Variants in TMEM260 observed in about 807,000 individuals in gnomAD.
TMEM260 encodes the protein protein O-mannosyl-transferase TMEM260.
A neutral mutation model predicts 88.9 loss-of-function variants in TMEM260; 82 were observed. That is an observed-to-expected ratio of 0.92 (90% CI 0.77 to 1.11). The LOEUF is 1.11. Among genes scored for constraint, TMEM260 ranks in the 50% least tolerant of loss-of-function variants. TMEM260 has a pLI of 0.00. For synonymous variants in TMEM260, 314 were observed against 309.3 expected, an observed-to-expected ratio of 1.02 and a Z score of -0.16; for missense variants, 902 against 853.4, an observed-to-expected ratio of 1.06 and a Z score of -0.71.
intron 15 of TMEM260, among the ~76,000 whole-genome samples, chr14:56,637,769 G>A (rs909376341): frequency 6.6e-6 from 1 of 152,180 alleles, no homozygotes; most frequent in Admixed American, 6.5e-5. Flanking sequence ...GGTTCCTTAT[G>A]TATTCACTTA....
chr14:56,659,449 G>A, the TMEM260 span, among the ~76,000 whole-genome samples: 3 of 152,140 alleles, frequency 2.0e-5, no homozygotes, highest in African/African-American at 7.2e-5. Flanking sequence ...CCTGCCACCA[G>A]CCTAGTCGTT....
At chr14:56,627,673 T>C (rs934212251) in intron 12 of TMEM260, among the ~76,000 whole-genome samples, 9 of 152,324 alleles carry the variant, frequency 5.9e-5, no homozygotes, top group Non-Finnish European at 1.2e-4. Context: ...CCCAAAGGGA[T>C]GGACCATCAT....
chr14:56,579,812 C>T lies in TMEM260; in HGVS notation c.-103C>T, dbSNP rs1337772514. The T allele has an allele frequency of 3.1e-5, 35 of 1,143,348 alleles. No individual in the cohort carries two copies. Among genetic ancestry groups the T allele is most frequent in the South Asian group, 4.5e-5 (1 of 22,292 alleles). The allele number at this position is 1,143,348 out of a possible 1,614,324, so 70.8% of individuals were successfully genotyped here. A position where few individuals can be genotyped will look rare whatever the true frequency, so the allele number is the denominator to read the frequency against. On this transcript the variant is annotated 5_prime_UTR_variant, in exon 1 of 16. Coordinates refer to ENST00000261556, the MANE Select transcript of TMEM260 (RefSeq NM_017799.4). ...CGCGGAGGCTCGACCCGGAAGCCGC[C>T]GTGGCCGCCGCACAAGCTGCGCTCG...
chr14:56,621,572 C>A lies in TMEM260; in HGVS notation c.1268C>A (p.Ala423Glu). Residue 423 changes from alanine to glutamate, a missense_variant, in exon 11 of 16, where the codon GCA (alanine) becomes GAA (glutamate). Transcript: ENST00000261556. ...ACCAACTATGTGATTGATAAGTTCG[C>A]AAAGAACCTTCTCACCTCTATGCCT... ...QRTNYVIDKF[A>E]KNLLTSMPHD... 1 of 1,609,680 alleles carries A rather than the reference C, an allele frequency of 6.2e-7. No homozygotes were observed. Among genetic ancestry groups the A allele is most frequent in the African/African-American group, 1.3e-5 (1 of 74,880 alleles).
In TMEM260 at chr14:56,633,027, A is replaced by C; in HGVS notation, c.1580A>C (p.Glu527Ala). ...ACATTTGTTTGCATAGGAATTCATG[A>C]AGGCGACCCAACCTGGAAAAAGAAC... is the stretch of plus-strand genomic sequence containing the variant. ...KETFVCIGIH[E>A]GDPTWKKNYS... The change falls in exon 13 of 16, where the codon GAA (glutamate) becomes GCA (alanine). Residue 527 changes from glutamate to alanine, a missense_variant. Glu to Ala is a moderately radical substitution (Grantham distance 107). Coordinates refer to ENST00000261556, the MANE Select transcript of TMEM260 (RefSeq NM_017799.4). 6.2e-7 allele frequency: 1 copy of C among 1,613,988 alleles called. No homozygotes were observed. The highest frequency in any genetic ancestry group is 1.7e-5 in the Admixed American group (1 of 60,006).
intron 14 of TMEM260, 109 bp from the exon 15 acceptor site, chr14:56,636,399 A>AAAGGATTTTG (rs1312289874): frequency 1.2e-6 from 1 of 814,572 alleles, no homozygotes; most frequent in Non-Finnish European, 2.0e-6. Flanking sequence ...ATAATACAAT[A>AAAGGATTTTG]AAGGATTTTG....
At chr14:56,635,196 A>C (rs1320382107) in intron 14 of TMEM260, among the ~76,000 whole-genome samples, 1 of 152,196 alleles carries the variant, frequency 6.6e-6, no homozygotes, top group Non-Finnish European at 1.5e-5. Flanking sequence ...TGGAAAGGCT[A>C]CTTGTCCAAG....
the TMEM260 span, among the ~76,000 whole-genome samples, chr14:56,658,833 C>T: frequency 7.2e-5 from 11 of 151,992 alleles, no homozygotes; most frequent in South Asian, 2.1e-4. Context: ...CAGGTTCAAG[C>T]GATTCTCCTG....
At chr14:56,622,204 G>T (rs896848002) in intron 11 of TMEM260, among the ~76,000 whole-genome samples, 12 of 151,958 alleles carry the variant, frequency 7.9e-5, no homozygotes, top group African/African-American at 2.7e-4. Context: ...TTAGCCGGGT[G>T]TGGTGGCACG....
chr14:56,621,436 A>G (rs537701524), intron 10 of TMEM260, 95 bp from the exon 11 acceptor site: 10 of 865,820 alleles, frequency 1.2e-5, no homozygotes, highest in African/African-American at 8.4e-5. Context: ...TGTTGATTGT[A>G]TGATGGGAAA....
chr14:56,658,137 C>A, the TMEM260 span, among the ~76,000 whole-genome samples: 1 of 152,184 alleles, frequency 6.6e-6, no homozygotes, highest in African/African-American at 2.4e-5. Flanking sequence ...TTATCCCACA[C>A]CCTTGCTTAG....
chr14:56,660,229 G>A, the TMEM260 span, among the ~76,000 whole-genome samples: 5 of 152,204 alleles, frequency 3.3e-5, no homozygotes, highest in Non-Finnish European at 7.3e-5. Context: ...AAGATATGTA[G>A]CAGCATGCTT....
chr14:56,593,194 T>C (rs530609843), intron 3 of TMEM260: 1 of 152,342 alleles, frequency 6.6e-6, no homozygotes, highest in Admixed American at 6.5e-5. Context: ...CTCATGAATT[T>C]TGTGGACCAA....
chr14:56,609,707 C>G (rs1009538855), intron 6 of TMEM260, among the ~76,000 whole-genome samples: 22 of 152,088 alleles, frequency 1.4e-4, no homozygotes, highest in African/African-American at 4.8e-4. Flanking sequence ...TTACATATTT[C>G]ATGAACAGTT....
chr14:56,628,187 C>T (rs1888355125), intron 12 of TMEM260, among the ~76,000 whole-genome samples: 1 of 152,196 alleles, frequency 6.6e-6, no homozygotes, highest in East Asian at 1.9e-4. Flanking sequence ...AAGTTTGGGG[C>T]ATTTATAAAT....
intron 2 of TMEM260, among the ~76,000 whole-genome samples, chr14:56,585,490 C>G (rs1885433843): frequency 6.6e-6 from 1 of 151,902 alleles, no homozygotes; most frequent in Non-Finnish European, 1.5e-5. Flanking sequence ...ACTGTGAACC[C>G]AGAGAACAAA....
chr14:56,640,603 G>T (rs561268835), intron 15 of TMEM260, among the ~76,000 whole-genome samples: 6 of 152,192 alleles, frequency 3.9e-5, no homozygotes, highest in African/African-American at 1.4e-4. Context: ...TCCTCCAAAG[G>T]AGCACAGCTC....
intron 3 of TMEM260, among the ~76,000 whole-genome samples, chr14:56,598,626 T>C (rs535548925): frequency 3.8e-4 from 58 of 152,356 alleles, no homozygotes; most frequent in African/African-American, 1.3e-3. Context: ...AATGAGACTA[T>C]CTTCTTACAG....
Position 56,618,666 on chromosome 14 carries a change from T to A in TMEM260, c.1129T>A (p.Ser377Thr). The stretch of plus-strand genomic sequence containing the variant: ...TGGCATTGGTTTGGCTGCAGTTGTG[T>A]CTGAGACTAACCGAGTGCTGAATAG... The part of the protein sequence containing the change: ...LAGIGLAAVV[S>T]ETNRVLNSNG... The change falls in exon 10 of 16, where the codon TCT becomes ACT. Residue 377 changes from serine to threonine, a missense_variant. By Grantham distance (58) the Ser-to-Thr change is moderately conservative (BLOSUM62 1). Coordinates refer to ENST00000261556, the MANE Select transcript of TMEM260 (RefSeq NM_017799.4). The A allele has an allele frequency of 5.6e-6, 9 of 1,614,216 alleles. No individual in the cohort carries two copies. Among genetic ancestry groups the A allele is most frequent in the Non-Finnish European group, 7.6e-6 (9 of 1,180,032 alleles).
Sources: gnomAD v4.1 joint callset for allele counts (sites outside exome capture counted in the v4.1 genomes callset) on GRCh38, gnomAD v4.1.1 for gene constraint, MANE v1.5 for transcripts, NCBI Gene and HGNC (gene_info 2026-07-23, HGNC 2026-07-21) for gene names.